The following ERBIN variants were observed in gnomAD, a reference collection of about 807,000 sequenced individuals.
ERBIN encodes the protein erbb2 interacting protein.
ERBIN carries 60 observed loss-of-function variants against 158.4 expected under a neutral mutation model. The ratio of observed to expected loss-of-function variants is 0.38; its 90% CI spans 0.31 to 0.47. ERBIN has a LOEUF of 0.47. Ranked by LOEUF, ERBIN falls within the 20% of genes least tolerant of loss-of-function variation. The probability of loss-of-function intolerance (pLI) is 0.99; values close to 1 mark genes in which losing one functional copy is unlikely to be tolerated. For missense variants in ERBIN, 1,610 were observed against 1,648.0 expected, an observed-to-expected ratio of 0.98 and a Z score of 0.40; for synonymous variants, 594 against 557.2, an observed-to-expected ratio of 1.07 and a Z score of -0.93.
intron 4 of ERBIN, among the ~76,000 whole-genome samples, chr5:66,010,798 T>C (rs1366063103): frequency 6.6e-6 from 1 of 152,234 alleles, no homozygotes; most frequent in African/African-American, 2.4e-5. Flanking sequence ...TAAATGTTTT[T>C]TATTAGCATT....
intron 1 of ERBIN, among the ~76,000 whole-genome samples, chr5:65,944,071 A>G (rs959304942): frequency 3.9e-5 from 6 of 152,304 alleles, no homozygotes; most frequent in East Asian, 1.9e-4. Context: ...GGTTGATGCC[A>G]TATTTTAGCC....
chr5:66,064,048 T>C (rs1444620373), intron 21 of ERBIN, among the ~76,000 whole-genome samples: 1 of 152,246 alleles, frequency 6.6e-6, no homozygotes. Context: ...TGCTAGTAAT[T>C]ATCTGTCGGT....
chr5:65,942,468 G>C (rs1745172333), intron 1 of ERBIN, among the ~76,000 whole-genome samples: 1 of 152,186 alleles, frequency 6.6e-6, no homozygotes. Context: ...TCTTCTCTTT[G>C]GCGGACGCCA....
At chr5:65,974,808 C>G (rs912242020) in intron 1 of ERBIN, among the ~76,000 whole-genome samples, 2 of 152,106 alleles carry the variant, frequency 1.3e-5, no homozygotes, top group African/African-American at 4.8e-5. Flanking sequence ...TTCTTTGTAT[C>G]ATTAGGAATG....
At chr5:66,011,922 G>T in intron 4 of ERBIN, 127 bp from the exon 5 acceptor site, 3 of 537,214 alleles carry the variant, frequency 5.6e-6, no homozygotes, top group Non-Finnish European at 1.0e-5. Context: ...CATTGATGTT[G>T]TCAGTTCATC....
chr5:66,039,939 C>T (rs1418949344), intron 15 of ERBIN, among the ~76,000 whole-genome samples: 1 of 151,856 alleles, frequency 6.6e-6, no homozygotes, highest in African/African-American at 2.4e-5. Flanking sequence ...GAAATAATAA[C>T]TTATCAAAGC....
At chr5:65,938,092 T>G (rs1203717849) in intron 1 of ERBIN, among the ~76,000 whole-genome samples, 2 of 152,206 alleles carry the variant, frequency 1.3e-5, no homozygotes, top group Non-Finnish European at 2.9e-5. Flanking sequence ...GTCATATCTG[T>G]GTTTCTTGTT....
intron 1 of ERBIN, among the ~76,000 whole-genome samples, chr5:65,939,367 G>A (rs921899263): frequency 6.6e-6 from 1 of 152,152 alleles, no homozygotes; most frequent in Non-Finnish European, 1.5e-5. Flanking sequence ...AACCCGGGGG[G>A]CAGAGGTTGC....
chr5:65,991,972 G>GC (rs1459563663), intron 2 of ERBIN, among the ~76,000 whole-genome samples: 1 of 152,136 alleles, frequency 6.6e-6, no homozygotes, highest in Non-Finnish European at 1.5e-5. Context: ...GATCCCTGAT[G>GC]GCTGGTTAAG....
chr5:66,023,057 T>G lies in ERBIN; in HGVS notation c.598-233T>G. On this transcript the variant is annotated intron_variant, in intron 8 of 25. Coordinates refer to ENST00000284037, the MANE Select transcript of ERBIN (RefSeq NM_001253697.2). ...TTTTGTAATCTACTGCTATGGCATG[T>G]CTCTTTGATTTCTCCATTAATAATT... 1.0e-5 allele frequency: 4 copies of G among 381,804 alleles called. No homozygotes were observed. In the South Asian group the frequency reaches 2.1e-4, roughly 20 times the overall value. The allele number at this position is 381,804 out of a possible 1,614,324, so 23.7% of individuals were successfully genotyped here.
chr5:65,947,615 A>G (rs1745935940), intron 1 of ERBIN, among the ~76,000 whole-genome samples: 1 of 152,190 alleles, frequency 6.6e-6, no homozygotes, highest in South Asian at 2.1e-4. Context: ...ATAAAACATC[A>G]AATTTAGCTA....
intron 1 of ERBIN, among the ~76,000 whole-genome samples, chr5:65,955,803 A>G (rs139345305): frequency 1.4e-4 from 22 of 152,352 alleles, no homozygotes; most frequent in African/African-American, 5.1e-4. Context: ...CCCACAGTCA[A>G]CTACAGTCCA....
chr5:66,009,706 G>A (rs1227891904), intron 4 of ERBIN, among the ~76,000 whole-genome samples: 3 of 152,162 alleles, frequency 2.0e-5, no homozygotes, highest in African/African-American at 7.2e-5. Flanking sequence ...CTTGGAATAG[G>A]ATTGCCAAGT....
intron 14 of ERBIN, among the ~76,000 whole-genome samples, chr5:66,037,484 C>T (rs774019740): frequency 6.6e-6 from 1 of 152,000 alleles, no homozygotes; most frequent in Non-Finnish European, 1.5e-5. Flanking sequence ...GTAGAGCTAC[C>T]GTTTCCATTA....
chr5:66,053,697 A>G lies in ERBIN; in HGVS notation c.2379A>G (p.Thr793=). The change falls in exon 21 of 26, where the codon ACA becomes ACG. Residue 793 remains threonine, a synonymous_variant. Coordinates refer to ENST00000284037, the MANE Select transcript of ERBIN (RefSeq NM_001253697.2). ...AAACACAGGATATTGTGCTTGGAAC[A>G]AGCTTTTTAAGCATTAATTCTAAAG... ...RSKTQDIVLG[T]SFLSINSKEE... is the part of the protein sequence containing the mutation. 1.9e-6 allele frequency: 3 copies of G among 1,613,906 alleles called. No individual in the cohort carries two copies. The highest frequency in any genetic ancestry group is 8.5e-7 in the Non-Finnish European group (1 of 1,179,972).
chr5:65,936,297 T>C (rs190916127), intron 1 of ERBIN, among the ~76,000 whole-genome samples: 18 of 152,260 alleles, frequency 1.2e-4, no homozygotes, highest in African/African-American at 4.3e-4. Flanking sequence ...CTTATAGATT[T>C]TGGAAGTGAT....
chr5:66,053,368 G>A, intron 20 of ERBIN, 38 bp from the exon 21 acceptor site: 2 of 1,281,936 alleles, frequency 1.6e-6, no homozygotes, highest in East Asian at 2.4e-5. Context: ...AGAAAACTCG[G>A]CTTTATTATG....
At chr5:65,978,516 A>C (rs140677783) in intron 1 of ERBIN, among the ~76,000 whole-genome samples, 2 of 152,362 alleles carry the variant, frequency 1.3e-5, no homozygotes, top group East Asian at 3.9e-4. Context: ...GGTGGACTCA[A>C]GGAAGCCTTA....
At chr5:65,965,382 G>GTTTTTTTTTTTTTTTTTTTTTTTTTTTTT (rs200847060) in intron 1 of ERBIN, among the ~76,000 whole-genome samples, 3 of 96,058 alleles carry the variant, frequency 3.1e-5, no homozygotes, top group East Asian at 3.6e-4. Context: ...GTTTTTTGTT[G>GTTTTTTTTTTTTTTTTTTTTTTTTTTTTT]TTTTTTTTTT....
Sources: allele counts gnomAD v4.1 joint callset (sites outside exome capture counted in the v4.1 genomes callset), GRCh38; gene constraint gnomAD v4.1.1; transcripts MANE v1.5; gene names NCBI Gene and HGNC (gene_info 2026-07-23, HGNC 2026-07-21).